TRERF1: variants seen among roughly 807,000 people sequenced by gnomAD.
TRERF1 encodes the protein transcriptional regulating factor 1.
In TRERF1, 27 loss-of-function variants were observed where a neutral mutation model predicts 122.9. That is an observed-to-expected ratio of 0.22 (90% confidence interval 0.16 to 0.30). The LOEUF is 0.30. TRERF1 is among the 10% of genes least tolerant of loss of function. The pLI is 1.00. For missense variants in TRERF1, 1,248 were observed against 1,560.3 expected (o/e 0.80, Z 3.37); for synonymous variants, 636 against 641.7 (o/e 0.99, Z 0.13).
intron 4 of TRERF1, among the ~76,000 whole-genome samples, chr6:42,290,741 CTTTTTTTTTTTT>C (rs144168592): frequency 1.1e-4 from 10 of 92,414 alleles, no homozygotes; most frequent in Admixed American, 5.6e-4. Context: ...CATTTCTTTC[CTTTTTTTTTTTT>C]TTTTTTTTTT....
intron 8 of TRERF1, among the ~76,000 whole-genome samples, chr6:42,262,671 A>G (rs1778428229): frequency 6.6e-6 from 1 of 151,922 alleles, no homozygotes; most frequent in African/African-American, 2.4e-5. Flanking sequence ...TGGAGAAAGG[A>G]GAACAGTGAG....
chr6:42,229,656 G>A (rs963766724), intron 17 of TRERF1, among the ~76,000 whole-genome samples: 1 of 152,064 alleles, frequency 6.6e-6, no homozygotes, highest in Non-Finnish European at 1.5e-5. Flanking sequence ...TAAGGCCCCT[G>A]CTTTGTGGCC....
intron 13 of TRERF1, 132 bp downstream of exon 13, chr6:42,254,719 T>C: frequency 2.5e-6 from 2 of 809,458 alleles, no homozygotes; most frequent in African/African-American, 3.3e-5. Context: ...AGCTCTGCCC[T>C]AGGAGGCCTT....
chr6:42,393,105 T>C lies in TRERF1; in HGVS notation c.-453-30026A>G, dbSNP rs1778041646. 6.6e-6 allele frequency among the ~76,000 whole-genome samples: 1 copy of C among 152,166 alleles called. No homozygotes were observed. Among genetic ancestry groups the C allele is most frequent in the East Asian group, 1.9e-4 (1 of 5,192 alleles). On this transcript the variant is annotated intron_variant, in intron 2 of 17. Coordinates refer to ENST00000372922, the Ensembl canonical transcript of TRERF1. This position sits in a 1 kb window ranked among gnomAD's most constrained non-coding sequence, Gnocchi z 4.1. ...AGCCAGCTTCCACACGCATCACCGATCTAGGTCCTATTGTCAATAATCTCT... is the reference window on the plus strand; with the variant it reads ...AGCCAGCTTCCACACGCATCACCGACCTAGGTCCTATTGTCAATAATCTCT...
intron 2 of TRERF1, among the ~76,000 whole-genome samples, chr6:42,365,295 G>A (rs1772521019): frequency 6.6e-6 from 1 of 152,184 alleles, no homozygotes; most frequent in African/African-American, 2.4e-5. Context: ...TCTAGCCAGA[G>A]GCCGTGGTTT....
intron 2 of TRERF1, among the ~76,000 whole-genome samples, chr6:42,423,718 G>C (rs1181805150): frequency 1.3e-5 from 2 of 151,966 alleles, no homozygotes; most frequent in African/African-American, 4.8e-5. Flanking sequence ...TTTATAATTC[G>C]GGTTATTTAA....
intron 4 of TRERF1, among the ~76,000 whole-genome samples, chr6:42,279,189 T>G (rs537876834): frequency 1.3e-5 from 2 of 152,168 alleles, no homozygotes; most frequent in South Asian, 4.1e-4. Context: ...GCCCAGGAGG[T>G]GCAGTAGGCA....
intron 3 of TRERF1, among the ~76,000 whole-genome samples, chr6:42,338,317 G>A (rs1766599959): frequency 6.6e-6 from 1 of 151,070 alleles, no homozygotes; most frequent in Non-Finnish European, 1.5e-5. Context: ...CCGGTCTTCT[G>A]AACAAGACTG....
intron 2 of TRERF1, among the ~76,000 whole-genome samples, chr6:42,374,081 C>A (rs1581856738): frequency 1.3e-5 from 2 of 150,626 alleles, no homozygotes; most frequent in Admixed American, 6.6e-5. Flanking sequence ...TGCAGTGAGC[C>A]GAGATGGCAC....
At chr6:42,340,236 A>G (rs1766989183) in intron 3 of TRERF1, among the ~76,000 whole-genome samples, 1 of 152,184 alleles carries the variant, frequency 6.6e-6, no homozygotes, top group Admixed American at 6.5e-5. Flanking sequence ...TGACTCAGAC[A>G]CACCACCCCA....
At chr6:42,299,236 ATCT>A (rs1785708630) in intron 4 of TRERF1, among the ~76,000 whole-genome samples, 5 of 151,334 alleles carry the variant, frequency 3.3e-5, no homozygotes, top group African/African-American at 1.2e-4. Flanking sequence ...CTATCTATCT[ATCT>A]ATCATCTATC....
intron 3 of TRERF1, among the ~76,000 whole-genome samples, chr6:42,308,677 C>T (rs1346902844): frequency 6.6e-6 from 1 of 152,158 alleles, no homozygotes; most frequent in African/African-American, 2.4e-5. Context: ...AGCAAGCTAA[C>T]GCAGGAACAG....
At chr6:42,411,644 A>G (rs1562159845) in intron 2 of TRERF1, among the ~76,000 whole-genome samples, 1 of 152,184 alleles carries the variant, frequency 6.6e-6, no homozygotes, top group Non-Finnish European at 1.5e-5. Flanking sequence ...ATAAGACCTG[A>G]GGGCAGGGCT....
At chr6:42,248,351 C>CT (rs1392708558) in intron 13 of TRERF1, among the ~76,000 whole-genome samples, 1 of 147,688 alleles carries the variant, frequency 6.8e-6, no homozygotes, top group African/African-American at 2.6e-5. Flanking sequence ...GCAAACTTAT[C>CT]TTTTTCTTTT....
intron 2 of TRERF1, among the ~76,000 whole-genome samples, chr6:42,441,293 C>T (rs761462488): frequency 4.3e-4 from 65 of 152,292 alleles, no homozygotes; most frequent in African/African-American, 1.5e-3. Flanking sequence ...CACATCACCC[C>T]GCCTCTATCA....
At chr6:42,271,741 A>T (rs1400407628) in intron 4 of TRERF1, among the ~76,000 whole-genome samples, 1 of 152,174 alleles carries the variant, frequency 6.6e-6, no homozygotes, top group Non-Finnish European at 1.5e-5. Context: ...AATTGTGATA[A>T]CTCAAACCAG....
At position 42,263,650 on chromosome 6, in the gene TRERF1, C is replaced by A; in HGVS notation, c.1636-82G>T. The A allele has an allele frequency of 7.1e-7, 1 of 1,401,026 alleles. No individual in the cohort carries two copies. Among genetic ancestry groups the A allele is most frequent in the Non-Finnish European group, 9.3e-7 (1 of 1,073,258 alleles). The allele number at this position is 1,401,026 out of a possible 1,614,324, so 86.8% of individuals were successfully genotyped here. On this transcript the variant is annotated intron_variant, in intron 7 of 17. Coordinates refer to ENST00000372922, the Ensembl canonical transcript of TRERF1. This position sits in a 1 kb window ranked among gnomAD's most constrained non-coding sequence, Gnocchi z 5.6. ...TGCACTTTGCTTTTCCCGAAAGGTT[C>A]CAGGACATCAGGTATGGGTGATAGA...
At chr6:42,318,005 T>A (rs1479063532) in intron 3 of TRERF1, among the ~76,000 whole-genome samples, 1 of 151,926 alleles carries the variant, frequency 6.6e-6, no homozygotes, top group Non-Finnish European at 1.5e-5. Flanking sequence ...AATACAAAAA[T>A]TAGCTGGGCG....
At position 42,246,562 on chromosome 6, in the gene TRERF1, C is replaced by A. The variant is rs367561480; in HGVS notation, c.2657-18G>T. 73 of 1,580,858 alleles carry A rather than the reference C, an allele frequency of 4.6e-5. No homozygotes were observed. The African/African-American group carries it at 8.4e-4, about 18-fold the overall frequency. ...GTCCGAACCTACAACAAAACACAAA[C>A]ATCATAAGAACAGCTCACAGTTCCC... On this transcript the variant is annotated intron_variant, in intron 13 of 17. Transcript: ENST00000372922.
Sources: gnomAD v4.1 joint callset for allele counts (sites outside exome capture counted in the v4.1 genomes callset) on GRCh38, gnomAD v4.1.1 for gene constraint, Gnocchi (gnomAD v3.1) non-coding constraint, MANE v1.5 for transcripts, NCBI Gene and HGNC (gene_info 2026-07-23, HGNC 2026-07-21) for gene names.